LYSMD1: variants seen among roughly 807,000 people sequenced by gnomAD.
LYSMD1 encodes lysM and putative peptidoglycan-binding domain-containing protein 1.
A neutral mutation model predicts 19.3 loss-of-function variants in LYSMD1; 9 were observed. The observed-to-expected ratio is 0.47, with a 90% confidence interval of 0.28 to 0.81. The LOEUF (loss-of-function observed/expected upper bound fraction) is 0.81, where lower values mean the gene tolerates loss of function less well. Ranked by LOEUF, LYSMD1 falls within the 40% of genes least tolerant of loss-of-function variation. The pLI, the probability that LYSMD1 is intolerant of heterozygous loss-of-function variation, is 0.11. For missense variants in LYSMD1, 262 were observed against 279.8 expected, an observed-to-expected ratio of 0.94 and a Z score of 0.45; for synonymous variants, 111 against 111.7, an observed-to-expected ratio of 0.99 and a Z score of 0.04.
downstream of LYSMD1, chr1:151,159,191 C>T: frequency 3.1e-6 from 5 of 1,614,222 alleles, no homozygotes; most frequent in Non-Finnish European, 4.2e-6. Flanking sequence ...CCTGACTTCA[C>T]TCAGCACCTT....
At chr1:151,158,985 G>A (rs587775543), downstream of LYSMD1, 2 of 1,614,280 alleles carry the variant, frequency 1.2e-6, no homozygotes, top group East Asian at 2.2e-5. Context: ...AGCTGCGGCA[G>A]GGTGCCATGA....
At chr1:151,154,306 C>G in the LYSMD1 span, among the ~76,000 whole-genome samples, 7 of 152,074 alleles carry the variant, frequency 4.6e-5, no homozygotes, top group Non-Finnish European at 8.8e-5. Context: ...ATGGCGAAAC[C>G]CTGTCTCTAC....
In LYSMD1 at chr1:151,165,292, A is replaced by AG; in HGVS notation, c.-35dup. 6.3e-7 allele frequency: 1 copy of AG among 1,597,736 alleles called. No individual in the cohort carries two copies. The highest frequency in any genetic ancestry group is 1.1e-5 in the South Asian group (1 of 89,840). On this transcript the variant is annotated 5_prime_UTR_variant, in exon 1 of 3. Coordinates refer to ENST00000368908, the MANE Select transcript of LYSMD1 (RefSeq NM_212551.5). ...CCTGCCAACAGCTAAGGTTGCAACT[A>AG]GGGGAGGTACGACCGAGACTGCGAC...
At chr1:151,158,854 C>T (rs753747275), downstream of LYSMD1, 51 of 1,614,052 alleles carry the variant, frequency 3.2e-5, no homozygotes, top group Middle Eastern at 1.6e-4. Context: ...CACGCACAGC[C>T]GGCCCCAGGC....
intron 2 of LYSMD1, 45 bp downstream of exon 2, chr1:151,161,691 G>A (rs769288440): frequency 6.3e-7 from 1 of 1,580,536 alleles, no homozygotes; most frequent in Non-Finnish European, 8.5e-7. Context: ...CAGGAATGAT[G>A]GAGGAGTCTA....
At chr1:151,155,238 A>G (rs1439881801), downstream of LYSMD1, among the ~76,000 whole-genome samples, 3 of 152,128 alleles carry the variant, frequency 2.0e-5, no homozygotes, top group Non-Finnish European at 4.4e-5. Context: ...ATCTCTGGCT[A>G]TTAAGTAGTT....
At chr1:151,161,072 C>T (rs1442700755) in intron 2 of LYSMD1, 52 bp from the exon 3 acceptor site, 1 of 1,597,988 alleles carries the variant, frequency 6.3e-7, no homozygotes, top group Non-Finnish European at 8.6e-7. Context: ...AAGAACCTGA[C>T]AATGGGCCAA....
chr1:151,159,144 C>T, downstream of LYSMD1: 1 of 1,614,228 alleles, frequency 6.2e-7, no homozygotes, highest in Non-Finnish European at 8.5e-7. Context: ...TGTTTGATCA[C>T]TTCTCTGACC....
chr1:151,160,712 A>G lies in LYSMD1; in HGVS notation c.*170T>C, dbSNP rs1572065561. On this transcript the variant is annotated 3_prime_UTR_variant, in exon 3 of 3. Coordinates refer to ENST00000368908, the MANE Select transcript of LYSMD1 (RefSeq NM_212551.5). ...CAGTTCCCATTCCCTAATCTTGCCA[A>G]TAAAACTGCCCCAGGCCAAGGAATT... 6 of 710,154 alleles carry G rather than the reference A, an allele frequency of 8.4e-6. No individual in the cohort carries two copies. In the East Asian group the frequency reaches 1.4e-4, roughly 16 times the overall value. The allele number at this position is 710,154 out of a possible 1,614,324, so 44.0% of individuals were successfully genotyped here.
In LYSMD1 at chr1:151,165,374, T is replaced by G. The variant is rs1683641320; in HGVS notation, c.-116A>C. On this transcript the variant is annotated 5_prime_UTR_variant, in exon 1 of 3. Transcript: ENST00000368908. ...AGGGGATTCCTTTCCCCCTCTCTCT[T>G]CCCCTGTGTCCCCGCCTCCCCAGCA... 1 of 1,472,674 alleles carries G rather than the reference T, an allele frequency of 6.8e-7. No individual in the cohort carries two copies. Among genetic ancestry groups the G allele is most frequent in the Non-Finnish European group, 9.0e-7 (1 of 1,113,724 alleles). 91.2% of individuals were successfully genotyped at this position (1,472,674 alleles called of 1,614,324 possible).
downstream of LYSMD1, chr1:151,158,938 C>T (rs1683332596): frequency 1.2e-6 from 2 of 1,614,242 alleles, no homozygotes; most frequent in South Asian, 2.2e-5. Context: ...CTCCTTTGGC[C>T]CCAGTGAGCT....
Position 151,159,782 on chromosome 1 carries a change from G to A in LYSMD1, c.*1100C>T, listed in dbSNP as rs989481452. The A allele has an allele frequency of 3.5e-5, 6 of 171,238 alleles. No individual in the cohort carries two copies. The highest frequency in any genetic ancestry group is 7.2e-5 in the African/African-American group (3 of 41,430). 10.6% of individuals were successfully genotyped at this position (171,238 alleles called of 1,614,324 possible). A position where few individuals can be genotyped will look rare whatever the true frequency, so the allele number is the denominator to read the frequency against. ...CTCAATGTTTAATCTGTCCAGCTTC[G>A]TATACCTTATAATCATCACAGAAGA... On this transcript the variant is annotated 3_prime_UTR_variant, in exon 3 of 3. Coordinates refer to ENST00000368908, the MANE Select transcript of LYSMD1 (RefSeq NM_212551.5).
chr1:151,162,912 T>C (rs1312963199), intron 1 of LYSMD1, among the ~76,000 whole-genome samples: 1 of 152,172 alleles, frequency 6.6e-6, no homozygotes, highest in African/African-American at 2.4e-5. Flanking sequence ...CCTCTTGGCA[T>C]CTATCTTTCT....
the LYSMD1 span, among the ~76,000 whole-genome samples, chr1:151,150,216 G>A: frequency 6.6e-6 from 1 of 151,986 alleles, no homozygotes; most frequent in Non-Finnish European, 1.5e-5. Context: ...TCGGCCTCTC[G>A]AACTGCTGGG....
At chr1:151,155,547 T>C (rs1231112963), downstream of LYSMD1, among the ~76,000 whole-genome samples, 1 of 151,126 alleles carries the variant, frequency 6.6e-6, no homozygotes, top group East Asian at 2.0e-4. Flanking sequence ...CTGGGCAACA[T>C]AGTTAGACCC....
chr1:151,154,493 AG>A, the LYSMD1 span, among the ~76,000 whole-genome samples: 2 of 145,082 alleles, frequency 1.4e-5, no homozygotes, highest in African/African-American at 2.5e-5. Flanking sequence ...AAAAAAAGAA[AG>A]AAAGAGAGAG....
chr1:151,154,430 G>A, the LYSMD1 span, among the ~76,000 whole-genome samples: 3 of 142,964 alleles, frequency 2.1e-5, no homozygotes, highest in Admixed American at 1.4e-4. Context: ...AGCTGAAATC[G>A]CATCACTGCA....
chr1:151,152,239 T>C, the LYSMD1 span, among the ~76,000 whole-genome samples: 3 of 150,168 alleles, frequency 2.0e-5, no homozygotes, highest in Non-Finnish European at 4.4e-5. Flanking sequence ...CGATTAAAAA[T>C]ACAAAAAATT....
downstream of LYSMD1, chr1:151,158,929 T>A (rs763877779): frequency 6.2e-7 from 1 of 1,614,190 alleles, no homozygotes; most frequent in South Asian, 1.1e-5. Context: ...CCGCAATGGC[T>A]CCTTTGGCCC....
Sources: gnomAD v4.1 joint callset for allele counts (sites outside exome capture counted in the v4.1 genomes callset) on GRCh38, gnomAD v4.1.1 for gene constraint, MANE v1.5 for transcripts, NCBI Gene and HGNC (gene_info 2026-07-23, HGNC 2026-07-21) for gene names.